RIMKLB: variants seen among roughly 807,000 people sequenced by gnomAD.
RIMKLB encodes beta-citrylglutamate synthase B.
RIMKLB carries 7 observed loss-of-function variants against 32.0 expected under a neutral mutation model. The observed-to-expected ratio is 0.22, with a 90% CI of 0.12 to 0.41. The LOEUF (loss-of-function observed/expected upper bound fraction) is 0.41, where lower values mean the gene tolerates loss of function less well. Among genes scored for constraint, RIMKLB ranks in the 10% least tolerant of loss-of-function variants. The pLI, the probability that RIMKLB is intolerant of heterozygous loss-of-function variation, is 1.00. For missense variants in RIMKLB, 289 were observed against 498.7 expected, an observed-to-expected ratio of 0.58 and a Z score of 4.00; for synonymous variants, 172 against 185.1, an observed-to-expected ratio of 0.93 and a Z score of 0.57.
chr12:8,698,277 G>C lies in RIMKLB; in HGVS notation c.-77G>C, dbSNP rs1443598222. 1 of 360,798 alleles carries C rather than the reference G, an allele frequency of 2.8e-6. No individual in the cohort carries two copies. The highest frequency in any genetic ancestry group is 1.5e-4 in the East Asian group (1 of 6,678). 22.3% of individuals were successfully genotyped at this position (360,798 alleles called of 1,614,324 possible). ...GCCCGGCTCAGTCGGCCGAGAGCGA[G>C]GGAGGAGCCCCCCGACCCAGGTGAG... On this transcript the variant is annotated 5_prime_UTR_variant, in exon 1 of 6. Coordinates refer to ENST00000535829, the MANE Select transcript of RIMKLB (RefSeq NM_001297776.2).
chr12:8,713,160 G>A (rs1009990622), intron 1 of RIMKLB, among the ~76,000 whole-genome samples: 9 of 152,266 alleles, frequency 5.9e-5, no homozygotes, highest in African/African-American at 2.2e-4. Flanking sequence ...TGGAATAAAT[G>A]AAATTTAGTG....
chr12:8,753,500 A>G (rs750970761), intron 4 of RIMKLB, among the ~76,000 whole-genome samples: 15 of 152,262 alleles, frequency 9.9e-5, no homozygotes, highest in Non-Finnish European at 1.8e-4. Flanking sequence ...CTGCTATATT[A>G]CTATATCCTA....
intron 1 of RIMKLB, among the ~76,000 whole-genome samples, chr12:8,703,107 G>A (rs747465987): frequency 3.3e-5 from 5 of 152,192 alleles, no homozygotes; most frequent in East Asian, 1.9e-4. Flanking sequence ...CCAACATGGC[G>A]AAAACCCATG....
intron 1 of RIMKLB, among the ~76,000 whole-genome samples, chr12:8,702,301 C>G (rs932077887): frequency 6.6e-6 from 1 of 152,144 alleles, no homozygotes; most frequent in South Asian, 2.1e-4. Context: ...AAGGAGTCTA[C>G]TGGATTCTTA....
intron 5 of RIMKLB, among the ~76,000 whole-genome samples, chr12:8,767,393 GGGCCTAAGGACGCAGTGTA>G (rs1185098559): frequency 2.6e-5 from 4 of 152,148 alleles, no homozygotes; most frequent in Non-Finnish European, 5.9e-5. Context: ...CGTAGCCTAG[GGGCCTAAGGACGCAGTGTA>G]GAGCTTCCTT....
upstream of RIMKLB, chr12:8,697,617 T>C: frequency 5.4e-6 from 1 of 184,314 alleles, no homozygotes; most frequent in South Asian, 6.2e-5. Context: ...TCCGTTTCCC[T>C]TTCTCAGTGA....
At chr12:8,748,546 G>GTGTA (rs1948327067) in intron 2 of RIMKLB, among the ~76,000 whole-genome samples, 1 of 110,634 alleles carries the variant, frequency 9.0e-6, no homozygotes, top group Non-Finnish European at 2.1e-5. Context: ...GTGTGTGTGT[G>GTGTA]TGTGTGTGTG....
At chr12:8,746,888 A>C (rs1045534307) in intron 2 of RIMKLB, among the ~76,000 whole-genome samples, 1 of 152,164 alleles carries the variant, frequency 6.6e-6, no homozygotes, top group African/African-American at 2.4e-5. Context: ...CTACAGACAC[A>C]CACAACCACA....
intron 5 of RIMKLB, among the ~76,000 whole-genome samples, chr12:8,765,634 TCTGA>T (rs1229605488): frequency 1.3e-5 from 2 of 152,198 alleles, no homozygotes; most frequent in South Asian, 2.1e-4. Flanking sequence ...GTACATGCAC[TCTGA>T]CTGGGCCGAA....
the RIMKLB span, among the ~76,000 whole-genome samples, chr12:8,676,352 G>C: frequency 7.0e-6 from 1 of 143,316 alleles, no homozygotes; most frequent in Non-Finnish European, 1.5e-5. Flanking sequence ...AGGATTATAG[G>C]AGTGAGCCAC....
At chr12:8,730,361 T>A (rs760542754) in intron 2 of RIMKLB, among the ~76,000 whole-genome samples, 14 of 152,342 alleles carry the variant, frequency 9.2e-5, no homozygotes, top group Non-Finnish European at 2.1e-4. Flanking sequence ...GTGCTGGGAT[T>A]ACAGGCATGA....
intron 1 of RIMKLB, among the ~76,000 whole-genome samples, chr12:8,684,167 A>T (rs868520239): frequency 6.6e-5 from 10 of 150,930 alleles, no homozygotes; most frequent in African/African-American, 2.5e-4. Flanking sequence ...ACTGAAGGTC[A>T]TCTAAATTTT....
intron 1 of RIMKLB, among the ~76,000 whole-genome samples, chr12:8,688,499 A>G (rs778266786): frequency 6.6e-6 from 1 of 152,306 alleles, no homozygotes; most frequent in South Asian, 2.1e-4. Flanking sequence ...GCAGAAAGAA[A>G]AACAACACAT....
chr12:8,759,403 C>T (rs1949335278), intron 5 of RIMKLB, among the ~76,000 whole-genome samples: 1 of 152,074 alleles, frequency 6.6e-6, no homozygotes, highest in Non-Finnish European at 1.5e-5. Context: ...TCTAAATAAT[C>T]AATCAGATTA....
intron 2 of RIMKLB, among the ~76,000 whole-genome samples, chr12:8,735,456 C>G (rs748865083): frequency 6.6e-6 from 1 of 152,302 alleles, no homozygotes; most frequent in East Asian, 1.9e-4. Flanking sequence ...TGTCGAACTC[C>G]TGACCTCAGG....
At position 8,774,899 on chromosome 12, in the gene RIMKLB, T is replaced by G. The variant is rs1191287679; in HGVS notation, c.*1115T>G. On this transcript the variant is annotated 3_prime_UTR_variant, in exon 6 of 6. Coordinates refer to ENST00000535829, the MANE Select transcript of RIMKLB (RefSeq NM_001297776.2). ...ATGTGTATGTGTGTGCACGCATGCATGTGTATGTGTTTTGCTTTTTGTTTC... is the reference window on the plus strand; with the variant it reads ...ATGTGTATGTGTGTGCACGCATGCAGGTGTATGTGTTTTGCTTTTTGTTTC... The G allele has an allele frequency of 3.0e-6, 3 of 985,620 alleles. No homozygotes were observed. The African/African-American group carries it at 5.2e-5, about 17-fold the overall frequency. 61.1% of individuals were successfully genotyped at this position (985,620 alleles called of 1,614,324 possible).
chr12:8,687,817 G>GAAAAAAAAAAAAAAAAA (rs1394835087), intron 1 of RIMKLB, among the ~76,000 whole-genome samples: 1 of 97,294 alleles, frequency 1.0e-5, no homozygotes, highest in Non-Finnish European at 2.2e-5. Flanking sequence ...TCCAAGTCAG[G>GAAAAAAAAAAAAAAAAA]AAGAAAAAAA....
chr12:8,759,965 C>CT (rs1409583381), intron 5 of RIMKLB, among the ~76,000 whole-genome samples: 2 of 152,086 alleles, frequency 1.3e-5, no homozygotes, highest in Admixed American at 6.5e-5. Context: ...TTTTATTATA[C>CT]TTTAAGTTCT....
At chr12:8,670,102 C>T in the RIMKLB span, among the ~76,000 whole-genome samples, 1 of 150,528 alleles carries the variant, frequency 6.6e-6, no homozygotes, top group East Asian at 2.0e-4. Flanking sequence ...GTCCCTCCCA[C>T]AACATGTGGG....
Sources: allele counts gnomAD v4.1 joint callset (sites outside exome capture counted in the v4.1 genomes callset), GRCh38; gene constraint gnomAD v4.1.1; transcripts MANE v1.5; gene names NCBI Gene and HGNC (gene_info 2026-07-23, HGNC 2026-07-21).